The following PDE4A variants were observed in gnomAD, a reference collection of about 807,000 sequenced individuals.
The protein encoded by PDE4A is phosphodiesterase 4A.
Under a neutral mutation model 73.9 loss-of-function variants are expected in PDE4A, and 21 were observed. The ratio of observed to expected loss-of-function variants is 0.28; its 90% CI spans 0.20 to 0.41. PDE4A has a LOEUF of 0.41. PDE4A is among the 10% of genes least tolerant of loss of function. The pLI, the probability that PDE4A is intolerant of heterozygous loss-of-function variation, is 1.00. For missense variants in PDE4A, 958 were observed against 1,211.4 expected, an observed-to-expected ratio of 0.79 and a Z score of 3.10; for synonymous variants, 463 against 505.4, an observed-to-expected ratio of 0.92 and a Z score of 1.13.
chr19:10,419,893 C>T (rs2042626832), upstream of PDE4A, among the ~76,000 whole-genome samples: 1 of 152,238 alleles, frequency 6.6e-6, no homozygotes, highest in Non-Finnish European at 1.5e-5. Context: ...CCTTCACCCA[C>T]AGACACACAC....
intron 1 of PDE4A, among the ~76,000 whole-genome samples, chr19:10,430,380 A>T (rs2042771277): frequency 6.6e-6 from 1 of 151,824 alleles, no homozygotes; most frequent in South Asian, 2.1e-4. Context: ...GTGTCTCAGA[A>T]CACCTCTAAG....
chr19:10,455,034 A>G (rs2145559489), intron 7 of PDE4A, 112 bp downstream of exon 7: 1 of 1,005,784 alleles, frequency 9.9e-7, no homozygotes, highest in Non-Finnish European at 1.5e-6. Context: ...CTGACTCTCA[A>G]CTCCCCAAAG....
chr19:10,459,226 G>A (rs906661124), intron 8 of PDE4A, 174 bp from the exon 9 acceptor site: 392 of 1,125,008 alleles, frequency 3.5e-4, no homozygotes, highest in East Asian at 6.5e-4. Context: ...GATTGCTTTC[G>A]CTATTTTGCA....
At chr19:10,461,371 T>C in intron 11 of PDE4A, 155 bp from the exon 12 acceptor site, 1 of 861,890 alleles carries the variant, frequency 1.2e-6, no homozygotes, top group Non-Finnish European at 1.3e-6. Flanking sequence ...CTGGCTGGGC[T>C]GGAAAGGGGA....
upstream of PDE4A, chr19:10,416,792 C>T (rs2042591777): frequency 4.0e-6 from 6 of 1,517,570 alleles, no homozygotes; most frequent in Non-Finnish European, 5.3e-6. Context: ...CCAGGAGAGG[C>T]AATAGGCAAG....
At chr19:10,443,623 G>A (rs1243371326) in intron 1 of PDE4A, among the ~76,000 whole-genome samples, 2 of 152,082 alleles carry the variant, frequency 1.3e-5, no homozygotes, top group Non-Finnish European at 2.9e-5. Flanking sequence ...TGGAGGTGGA[G>A]GATAGCTTGA....
chr19:10,463,770 C>G, intron 13 of PDE4A, 23 bp from the exon 14 acceptor site: 1 of 1,612,440 alleles, frequency 6.2e-7, no homozygotes, highest in Non-Finnish European at 8.5e-7. Flanking sequence ...CTGAAGTTTC[C>G]CCTGTGCCCC....
chr19:10,449,275 G>A lies in PDE4A; in HGVS notation c.620+125G>A, dbSNP rs2043056583. 8 of 1,001,900 alleles carry A rather than the reference G, an allele frequency of 8.0e-6. No homozygotes were observed. The South Asian group carries it at 1.0e-4, about 13-fold the overall frequency. The allele number at this position is 1,001,900 out of a possible 1,614,324, so 62.1% of individuals were successfully genotyped here. A position where few individuals can be genotyped will look rare whatever the true frequency, so the allele number is the denominator to read the frequency against. Reference sequence around the variant, plus strand: ...TCTCTGAACCTCTGTTCAGACAACAGCTCCCAGAAAGCCAGAGAGCCATTG... The same window carrying A: ...TCTCTGAACCTCTGTTCAGACAACAACTCCCAGAAAGCCAGAGAGCCATTG... On this transcript the variant is annotated intron_variant, in intron 4 of 14. Transcript: ENST00000380702.
chr19:10,451,104 C>T (rs897404098), intron 6 of PDE4A, among the ~76,000 whole-genome samples, 163 bp downstream of exon 6: 1 of 151,842 alleles, frequency 6.6e-6, no homozygotes, highest in Admixed American at 6.6e-5. Context: ...CTGATTAGGG[C>T]AGGGCCAATC....
intron 1 of PDE4A, among the ~76,000 whole-genome samples, chr19:10,432,282 C>T (rs1599409579): frequency 6.6e-6 from 1 of 151,604 alleles, no homozygotes; most frequent in African/African-American, 2.4e-5. Context: ...CGGGAACGCT[C>T]GACCGCCCGG....
chr19:10,463,743 G>A, intron 13 of PDE4A, 50 bp from the exon 14 acceptor site: 1 of 1,601,986 alleles, frequency 6.2e-7, no homozygotes, highest in East Asian at 2.2e-5. Flanking sequence ...TCTCAGACTG[G>A]GACACAGGCA....
In PDE4A at chr19:10,424,673, T is replaced by C. The variant is rs2042692984; in HGVS notation, c.320+3589T>C. On this transcript the variant is annotated intron_variant, in intron 1 of 14. Coordinates refer to ENST00000380702, the MANE Select transcript of PDE4A (RefSeq NM_001111307.2). The surrounding 1 kb of genome is among the most constrained non-coding windows in gnomAD (Gnocchi z 4.8). ...GGCTGACCGCAGGCTGCGTGTGGGG[T>C]CCTCGCCCTCCCGGGCTTGGGACCA... 6.6e-6 allele frequency among the ~76,000 whole-genome samples: 1 copy of C among 152,190 alleles called. No individual in the cohort carries two copies. The highest frequency in any genetic ancestry group is 1.5e-5 in the Non-Finnish European group (1 of 68,032).
At position 10,450,657 on chromosome 19, in the gene PDE4A, C is replaced by G; in HGVS notation, c.670+5C>G. 1 of 1,608,618 alleles carries G rather than the reference C, an allele frequency of 6.2e-7. No individual in the cohort carries two copies. ...TCTGCAAGGCCACGCTGTCAGGTAG[C>G]TAAGCCCAGAGGGGTGGGAAGGGGC... On this transcript the variant is annotated splice_donor_5th_base_variant and intron_variant, in intron 5 of 14. Coordinates refer to ENST00000380702, the MANE Select transcript of PDE4A (RefSeq NM_001111307.2).
chr19:10,459,323 G>A (rs550416406), intron 8 of PDE4A, 77 bp from the exon 9 acceptor site: 3 of 1,605,106 alleles, frequency 1.9e-6, no homozygotes, highest in East Asian at 2.2e-5. Context: ...TCAGACCAAG[G>A]CTTCAAACTC....
At position 10,467,325 on chromosome 19, in the gene PDE4A, G is replaced by A. The variant is rs2043394198; in HGVS notation, c.2365G>A (p.Ala789Thr). The A allele has an allele frequency of 6.2e-7, 1 of 1,614,084 alleles. No homozygotes were observed. The highest frequency in any genetic ancestry group is 1.3e-5 in the African/African-American group (1 of 74,946). ...LTQQAQSTGS[A>T]PVAPDEFSSR... ...ACAGCAGGCACAGTCCACAGGCAGT[G>A]CACCTGTGGCTCCGGATGAGTTCTC... The change falls in exon 15 of 15, where the codon GCA becomes ACA. Residue 789 changes from alanine (A) to threonine (T), a missense_variant. By Grantham distance (58) the Ala-to-Thr change is moderately conservative (BLOSUM62 0). Transcript: ENST00000380702.
intron 2 of PDE4A, among the ~76,000 whole-genome samples, chr19:10,446,680 C>T (rs1172613329): frequency 2.0e-5 from 3 of 152,066 alleles, no homozygotes; most frequent in South Asian, 4.2e-4. Flanking sequence ...CTGCAACCTC[C>T]GCCTCCTGGG....
chr19:10,445,524 T>C (rs2042991233), intron 1 of PDE4A, among the ~76,000 whole-genome samples: 1 of 152,018 alleles, frequency 6.6e-6, no homozygotes, highest in Admixed American at 6.6e-5. Context: ...TCCCAGCACT[T>C]TGGGAGGCCA....
chr19:10,437,805 C>CT (rs2042884572), intron 1 of PDE4A, among the ~76,000 whole-genome samples: 1 of 122,824 alleles, frequency 8.1e-6, no homozygotes. Context: ...ATCTCCAGGA[C>CT]TGTTTTTTTT....
At chr19:10,431,121 GC>G in intron 1 of PDE4A, 1 of 1,416,984 alleles carries the variant, frequency 7.1e-7, no homozygotes. Flanking sequence ...GGTTCAAGTC[GC>G]CCCTGGCCAC....
Sources: allele counts gnomAD v4.1 joint callset (sites outside exome capture counted in the v4.1 genomes callset), GRCh38; gene constraint gnomAD v4.1.1; non-coding constraint Gnocchi (gnomAD v3.1); transcripts MANE v1.5; gene names NCBI Gene and HGNC (gene_info 2026-07-23, HGNC 2026-07-21).